RAPGEF5: variants seen among roughly 807,000 people sequenced by gnomAD.
The protein encoded by RAPGEF5 is M-Ras-regulated GEF.
In RAPGEF5, 65 loss-of-function variants were observed where a neutral mutation model predicts 125.2. The observed-to-expected ratio is 0.52, with a 90% CI of 0.43 to 0.64. The LOEUF (loss-of-function observed/expected upper bound fraction) is 0.64. RAPGEF5 is among the 30% of genes least tolerant of loss of function. RAPGEF5 has a pLI of 0.00. For synonymous variants in RAPGEF5, 391 were observed against 385.9 expected (o/e 1.01, Z -0.16); for missense variants, 958 against 1,048.1 (o/e 0.91, Z 1.19).
intron 7 of RAPGEF5, among the ~76,000 whole-genome samples, chr7:22,244,551 C>G (rs533841138): frequency 5.9e-5 from 9 of 152,154 alleles, no homozygotes; most frequent in South Asian, 2.1e-4. Context: ...CCCATCACCC[C>G]CAGATGGAAT....
intron 11 of RAPGEF5, among the ~76,000 whole-genome samples, chr7:22,183,667 CA>C (rs1176749986): frequency 6.6e-6 from 1 of 152,180 alleles, no homozygotes; most frequent in Non-Finnish European, 1.5e-5. Context: ...AACCGGGGTT[CA>C]GGGGTTGAGG....
intron 1 of RAPGEF5, among the ~76,000 whole-genome samples, chr7:22,325,668 C>T (rs987985377): frequency 2.6e-5 from 4 of 152,138 alleles, no homozygotes; most frequent in Non-Finnish European, 4.4e-5. Flanking sequence ...CAGACTCAAG[C>T]GATCCTTCCA....
intron 6 of RAPGEF5, among the ~76,000 whole-genome samples, chr7:22,280,928 T>C (rs1782660168): frequency 6.6e-6 from 1 of 152,196 alleles, no homozygotes; most frequent in African/African-American, 2.4e-5. Context: ...TCTTAGGCAG[T>C]GTGAAATTCA....
At chr7:22,252,701 T>G (rs1037391802) in intron 7 of RAPGEF5, among the ~76,000 whole-genome samples, 3 of 152,230 alleles carry the variant, frequency 2.0e-5, no homozygotes, top group Non-Finnish European at 2.9e-5. Flanking sequence ...TATTTATCAT[T>G]TCGACTTAAT....
At chr7:22,294,762 G>C (rs1269729673) in intron 5 of RAPGEF5, among the ~76,000 whole-genome samples, 2 of 152,074 alleles carry the variant, frequency 1.3e-5, no homozygotes, top group East Asian at 3.9e-4. Flanking sequence ...TGCCACTGTG[G>C]TCCCAGCCAC....
At position 22,237,362 on chromosome 7, in the gene RAPGEF5, G is replaced by GTT. The variant is rs34763788; in HGVS notation, c.797-6445_797-6444dup. Among the ~76,000 whole-genome samples, 29 of 126,834 alleles carry GTT rather than the reference G, an allele frequency of 2.3e-4. No individual in the cohort carries two copies. The East Asian group carries it at 5.0e-3, about 22-fold the overall frequency. 83.2% of individuals were successfully genotyped at this position (126,834 alleles called of 152,430 possible). On this transcript the variant is annotated intron_variant, in intron 7 of 25. Transcript: ENST00000665637. ...GATAGTTTTTGTTGTTGTTGTTGCT[G>GTT]TTTTTTTTTTTTTGGATAAACATAG...
chr7:22,184,215 T>C (rs1003251632), intron 11 of RAPGEF5, among the ~76,000 whole-genome samples: 5 of 152,206 alleles, frequency 3.3e-5, no homozygotes, highest in Non-Finnish European at 2.9e-5. Flanking sequence ...TATGCATTTA[T>C]CGTAGTAAAT....
intron 7 of RAPGEF5, among the ~76,000 whole-genome samples, chr7:22,263,613 C>T (rs1371236446): frequency 6.6e-6 from 1 of 151,670 alleles, no homozygotes; most frequent in Non-Finnish European, 1.5e-5. Context: ...GCCTGTATTC[C>T]CAGCTACTAG....
intron 7 of RAPGEF5, among the ~76,000 whole-genome samples, chr7:22,255,668 T>A (rs1786741467): frequency 6.6e-6 from 1 of 152,170 alleles, no homozygotes; most frequent in Non-Finnish European, 1.5e-5. Flanking sequence ...TATATTGTAA[T>A]ATCTTAGTAA....
Position 22,332,745 on chromosome 7 carries a change from G to C in RAPGEF5, c.232-14708C>G, listed in dbSNP as rs77050542. Among the ~76,000 whole-genome samples, 607 of 152,284 alleles carry C rather than the reference G, an allele frequency of 4.0e-3. 3 individuals are homozygous for C. Among genetic ancestry groups the C allele is most frequent in the African/African-American group, 0.014 (567 of 41,544 alleles). ...CCTAAGTCCTATGTATCTCAAGCTGGACAGCAAACACTTCTCACAATCACA... is the reference window on the plus strand; with the variant it reads ...CCTAAGTCCTATGTATCTCAAGCTGCACAGCAAACACTTCTCACAATCACA... On this transcript the variant is annotated intron_variant, in intron 1 of 25. Transcript: ENST00000665637.
intron 6 of RAPGEF5, among the ~76,000 whole-genome samples, chr7:22,287,530 C>T (rs1271412106): frequency 3.3e-5 from 5 of 152,134 alleles, no homozygotes; most frequent in East Asian, 1.9e-4. Context: ...CAAGAGGGCA[C>T]GGTTGACTGT....
chr7:22,329,949 C>T (rs1035482275), intron 1 of RAPGEF5, among the ~76,000 whole-genome samples: 1 of 152,242 alleles, frequency 6.6e-6, no homozygotes, highest in Non-Finnish European at 1.5e-5. Context: ...AGCAACTTAA[C>T]TCCTTCCCTC....
chr7:22,148,026 C>A (rs1783499908), intron 18 of RAPGEF5, among the ~76,000 whole-genome samples: 1 of 152,164 alleles, frequency 6.6e-6, no homozygotes, highest in Non-Finnish European at 1.5e-5. Context: ...AGACTCAGTC[C>A]TCTCAGCAGC....
intron 9 of RAPGEF5, among the ~76,000 whole-genome samples, chr7:22,204,723 T>C (rs766736673): frequency 8.5e-5 from 13 of 152,204 alleles, no homozygotes; most frequent in Non-Finnish European, 1.6e-4. Context: ...TTTCACAGTT[T>C]GAAACAAGGT....
At chr7:22,273,946 T>C (rs1028148686) in intron 6 of RAPGEF5, among the ~76,000 whole-genome samples, 5 of 152,174 alleles carry the variant, frequency 3.3e-5, no homozygotes, top group Non-Finnish European at 7.3e-5. Context: ...CAGGAGATAG[T>C]CACCTCCCTG....
chr7:22,328,230 T>C (rs1783851177), intron 1 of RAPGEF5, among the ~76,000 whole-genome samples: 1 of 152,198 alleles, frequency 6.6e-6, no homozygotes, highest in Admixed American at 6.5e-5. Flanking sequence ...GAAAACAGGA[T>C]GTGTGAGAAA....
chr7:22,170,140 C>T (rs1404015019), intron 11 of RAPGEF5, among the ~76,000 whole-genome samples: 3 of 151,970 alleles, frequency 2.0e-5, no homozygotes, highest in Non-Finnish European at 2.9e-5. Context: ...GTGCAAACTT[C>T]GCCTCCCAGG....
intron 14 of RAPGEF5, 150 bp from the exon 15 acceptor site, chr7:22,158,035 A>C: frequency 1.5e-6 from 1 of 681,738 alleles, no homozygotes. Context: ...ACTATGTACA[A>C]CACATTTGAC....
At chr7:22,144,328 G>A (rs951698640) in intron 20 of RAPGEF5, among the ~76,000 whole-genome samples, 10 of 152,236 alleles carry the variant, frequency 6.6e-5, no homozygotes, top group East Asian at 1.9e-4. Flanking sequence ...ATAAGTTTTC[G>A]GAAGGTAAAA....
Sources: gnomAD v4.1 joint callset for allele counts (sites outside exome capture counted in the v4.1 genomes callset) on GRCh38, gnomAD v4.1.1 for gene constraint, MANE v1.5 for transcripts, NCBI Gene and HGNC (gene_info 2026-07-23, HGNC 2026-07-21) for gene names.